SORCS3: variants seen among roughly 807,000 people sequenced by gnomAD.
SORCS3 encodes VPS10 domain-containing receptor SorCS3.
A neutral mutation model predicts 146.3 loss-of-function variants in SORCS3; 57 were observed. That is an observed-to-expected ratio of 0.39 (90% CI 0.31 to 0.49). The LOEUF (loss-of-function observed/expected upper bound fraction) is 0.49, where lower values mean the gene tolerates loss of function less well. Among genes scored for constraint, SORCS3 ranks in the 20% least tolerant of loss-of-function variants. SORCS3 has a pLI of 0.92. For synonymous variants in SORCS3, 653 were observed against 618.5 expected, an observed-to-expected ratio of 1.06 and a Z score of -0.83; for missense variants, 1,341 against 1,575.5, an observed-to-expected ratio of 0.85 and a Z score of 2.52.
Position 105,105,417 on chromosome 10 carries a change from A to G in SORCS3, c.1114A>G (p.Arg372Gly), listed in dbSNP as rs1403059749. The change falls in exon 7 of 27, where the codon AGG becomes GGG. Residue 372 changes from arginine (R) to glycine (G), a missense_variant. Arg to Gly is a moderately radical substitution (Grantham distance 125, BLOSUM62 -2). Transcript: ENST00000369701. ...TTCAGATGCTCACTACCTCACCTGC[A>G]GGATCCAGGAATGTGCCGAGACAAC... ...TDGYAHYLTC[R>G]IQECAETTRS... 1 of 1,613,366 alleles carries G rather than the reference A, an allele frequency of 6.2e-7. No individual in the cohort carries two copies. Among genetic ancestry groups the G allele is most frequent in the African/African-American group, 1.3e-5 (1 of 74,892 alleles).
chr10:104,758,249 TATG>T (rs2017079801), intron 1 of SORCS3, among the ~76,000 whole-genome samples: 3 of 152,150 alleles, frequency 2.0e-5, no homozygotes, highest in Non-Finnish European at 4.4e-5. Flanking sequence ...TTGCGGTGGG[TATG>T]ATATTATTCC....
At chr10:104,728,506 A>G (rs2016668352) in intron 1 of SORCS3, among the ~76,000 whole-genome samples, 1 of 152,194 alleles carries the variant, frequency 6.6e-6, no homozygotes, top group Non-Finnish European at 1.5e-5. Flanking sequence ...TGAAGCCAAG[A>G]AAATGGTTGG....
At chr10:105,139,541 A>C in intron 8 of SORCS3, 55 bp downstream of exon 8, 1 of 1,392,958 alleles carries the variant, frequency 7.2e-7, no homozygotes, top group Admixed American at 1.7e-5. Flanking sequence ...GGAGGGTTGG[A>C]GAGGCTGCTT....
intron 1 of SORCS3, among the ~76,000 whole-genome samples, chr10:104,838,156 A>G (rs941698854): frequency 7.2e-5 from 11 of 152,124 alleles, no homozygotes; most frequent in African/African-American, 1.4e-4. Context: ...TTTGAGTCCC[A>G]TTCTCATTCT....
rs1227217909 is a variant in SORCS3, at chr10:105,264,800, G to C, written c.*1426G>C. On this transcript the variant is annotated 3_prime_UTR_variant, in exon 27 of 27. Coordinates refer to ENST00000369701, the MANE Select transcript of SORCS3 (RefSeq NM_014978.3). ...TACACATACCAATTTTTTTCAATAG[G>C]GTCACGTTAAGCCATGCTGTAAGCA... The C allele has an allele frequency of 6.6e-6, 1 of 152,522 alleles. No homozygotes were observed. Among genetic ancestry groups the C allele is most frequent in the Admixed American group, 6.6e-5 (1 of 15,260 alleles). The allele number at this position is 152,522 out of a possible 1,614,324, so 9.4% of individuals were successfully genotyped here.
At chr10:104,696,040 AAT>A (rs1159427993) in intron 1 of SORCS3, among the ~76,000 whole-genome samples, 28 of 112,992 alleles carry the variant, frequency 2.5e-4, no homozygotes, top group South Asian at 5.8e-4. Context: ...TATAATATAT[AAT>A]ATATATCATA....
chr10:104,874,558 AC>A (rs2018551515), intron 2 of SORCS3, among the ~76,000 whole-genome samples: 1 of 152,040 alleles, frequency 6.6e-6, no homozygotes, highest in African/African-American at 2.4e-5. Flanking sequence ...CCCTCTGGAA[AC>A]CCTTAAATGG....
At chr10:104,776,648 T>A (rs1364709404) in intron 1 of SORCS3, among the ~76,000 whole-genome samples, 1 of 152,028 alleles carries the variant, frequency 6.6e-6, no homozygotes, top group African/African-American at 2.4e-5. Context: ...TCTATTTATC[T>A]TTTCTTAAAG....
chr10:105,178,795 A>G (rs1330514565), intron 14 of SORCS3, among the ~76,000 whole-genome samples: 1 of 151,782 alleles, frequency 6.6e-6, no homozygotes, highest in African/African-American at 2.4e-5. Context: ...ACTGTCCCCC[A>G]CCTCCCCTAC....
At position 105,242,452 on chromosome 10, in the gene SORCS3, ATATATATT is replaced by A. The variant is rs1170855568; in HGVS notation, c.2869-3050_2869-3043del. Among the ~76,000 whole-genome samples the A allele has an allele frequency of 2.1e-3, 163 of 78,030 alleles. 3 individuals carry two copies. Among genetic ancestry groups the A allele is most frequent in the South Asian group, 9.5e-3 (21 of 2,214 alleles). 51.2% of individuals were successfully genotyped at this position (78,030 alleles called of 152,430 possible). On this transcript the variant is annotated intron_variant, in intron 20 of 26. Transcript: ENST00000369701. ...TTTATACATATATTTATATATATTT[ATATATATT>A]TATATATTTATATATTTATATATTT...
chr10:104,792,694 T>G lies in SORCS3; in HGVS notation c.628-50098T>G, dbSNP rs139721206. Among the ~76,000 whole-genome samples the G allele has an allele frequency of 6.5e-4, 99 of 152,328 alleles. 1 individual carries two copies. The East Asian group carries it at 0.018, about 27-fold the overall frequency. On this transcript the variant is annotated intron_variant, in intron 1 of 26. Transcript: ENST00000369701. ...TACTATCATTATTTTCTTTGAAAGA[T>G]TTTTTGAAAGAAGCCTCTTTCATAA...
chr10:104,966,551 A>G (rs1282895991), intron 3 of SORCS3, among the ~76,000 whole-genome samples: 1 of 152,194 alleles, frequency 6.6e-6, no homozygotes, highest in Non-Finnish European at 1.5e-5. Flanking sequence ...TGCCCAAAAC[A>G]TTGAACTAGA....
chr10:105,128,563 A>G (rs1036053582), intron 7 of SORCS3, among the ~76,000 whole-genome samples: 3 of 152,136 alleles, frequency 2.0e-5, no homozygotes, highest in African/African-American at 4.8e-5. Context: ...CTAAGCAGCT[A>G]TATTCACCTG....
intron 5 of SORCS3, among the ~76,000 whole-genome samples, chr10:105,063,325 G>A (rs2055500399): frequency 6.6e-6 from 1 of 152,178 alleles, no homozygotes; most frequent in African/African-American, 2.4e-5. Flanking sequence ...GACAATTGGA[G>A]TTAAAACACT....
chr10:105,151,676 G>A (rs2056168750), intron 9 of SORCS3, among the ~76,000 whole-genome samples: 1 of 151,926 alleles, frequency 6.6e-6, no homozygotes, highest in Non-Finnish European at 1.5e-5. Flanking sequence ...GCAAGCCTTG[G>A]CACTGAAAAA....
intron 5 of SORCS3, among the ~76,000 whole-genome samples, chr10:105,059,228 G>A (rs1032818190): frequency 5.3e-5 from 8 of 152,206 alleles, no homozygotes; most frequent in Admixed American, 2.0e-4. Flanking sequence ...TTTCTCCACC[G>A]TGCTTGAAAT....
intron 23 of SORCS3, 39 bp from the exon 24 acceptor site, chr10:105,255,663 A>T: frequency 7.1e-7 from 1 of 1,408,662 alleles, no homozygotes; most frequent in Non-Finnish European, 1.0e-6. Flanking sequence ...GCATCATTGC[A>T]TGTCATGTCA....
At chr10:105,238,347 A>G (rs1406046471) in intron 20 of SORCS3, among the ~76,000 whole-genome samples, 1 of 152,226 alleles carries the variant, frequency 6.6e-6, no homozygotes, top group Non-Finnish European at 1.5e-5. Context: ...AAAAGCAGGT[A>G]TGCAATAGGA....
chr10:105,102,258 G>A lies in SORCS3; in HGVS notation c.1094-3139G>A, dbSNP rs187272662. 8.6e-4 allele frequency among the ~76,000 whole-genome samples: 131 copies of A among 152,246 alleles called. 1 individual carries two copies. Among genetic ancestry groups the A allele is most frequent in the African/African-American group, 2.8e-3 (117 of 41,564 alleles). Reference sequence around the variant, plus strand: ...GTTCATTACAGCACTATTCACAATAGCAAAAACATGCCATCAACCTAAATG... The same window carrying A: ...GTTCATTACAGCACTATTCACAATAACAAAAACATGCCATCAACCTAAATG... On this transcript the variant is annotated intron_variant, in intron 6 of 26. Transcript: ENST00000369701.
Sources: gnomAD v4.1 joint callset for allele counts (sites outside exome capture counted in the v4.1 genomes callset) on GRCh38, gnomAD v4.1.1 for gene constraint, MANE v1.5 for transcripts, NCBI Gene and HGNC (gene_info 2026-07-23, HGNC 2026-07-21) for gene names.